The following TMEM135 variants were observed in gnomAD, a reference collection of about 807,000 sequenced individuals.
The protein encoded by TMEM135 is transmembrane protein 135.
Under a neutral mutation model 60.3 loss-of-function variants are expected in TMEM135, and 30 were observed. That is an observed-to-expected ratio of 0.50 (90% CI 0.37 to 0.68). TMEM135 has a LOEUF of 0.68. Ranked by LOEUF, TMEM135 falls within the 30% of genes least tolerant of loss-of-function variation. TMEM135 has a pLI of 0.00. For synonymous variants in TMEM135, 190 were observed against 186.7 expected, an observed-to-expected ratio of 1.02 and a Z score of -0.14; for missense variants, 468 against 548.8, an observed-to-expected ratio of 0.85 and a Z score of 1.47.
At chr11:87,076,977 C>G (rs1856886327) in intron 3 of TMEM135, among the ~76,000 whole-genome samples, 1 of 152,162 alleles carries the variant, frequency 6.6e-6, no homozygotes, top group Admixed American at 6.5e-5. Flanking sequence ...ACACTATAGA[C>G]TTCATTCAGT....
chr11:87,074,099 G>T (rs981191864), intron 3 of TMEM135, among the ~76,000 whole-genome samples: 3 of 152,162 alleles, frequency 2.0e-5, no homozygotes, highest in Admixed American at 6.6e-5. Flanking sequence ...CCAAGTAGCT[G>T]GGACCACAGG....
chr11:87,049,420 C>A (rs1054352858), intron 1 of TMEM135, among the ~76,000 whole-genome samples: 1 of 87,694 alleles, frequency 1.1e-5, no homozygotes, highest in Non-Finnish European at 2.1e-5. Flanking sequence ...TCAGGAAACC[C>A]ATCTCACATG....
At chr11:87,168,308 G>T (rs907182401) in intron 5 of TMEM135, among the ~76,000 whole-genome samples, 3 of 151,998 alleles carry the variant, frequency 2.0e-5, no homozygotes, top group Non-Finnish European at 4.4e-5. Flanking sequence ...ATCTCCTTCA[G>T]TTCTGCTCTG....
chr11:87,109,991 T>A (rs1857702252), intron 4 of TMEM135, among the ~76,000 whole-genome samples: 1 of 152,182 alleles, frequency 6.6e-6, no homozygotes, highest in African/African-American at 2.4e-5. Flanking sequence ...ACAGAATGAC[T>A]TCCTCTGGGT....
intron 1 of TMEM135, among the ~76,000 whole-genome samples, chr11:87,043,155 A>C (rs751903848): frequency 2.6e-5 from 4 of 151,330 alleles, no homozygotes; most frequent in Non-Finnish European, 4.4e-5. Context: ...GGGTTTCTGC[A>C]TGTTGGTCAG....
intron 6 of TMEM135, among the ~76,000 whole-genome samples, chr11:87,262,173 A>G (rs752853614): frequency 6.6e-6 from 1 of 151,976 alleles, no homozygotes; most frequent in Non-Finnish European, 1.5e-5. Flanking sequence ...AACCATGAAC[A>G]TTGTTTTTAA....
intron 5 of TMEM135, among the ~76,000 whole-genome samples, chr11:87,217,409 T>C (rs573478699): frequency 6.6e-6 from 1 of 152,270 alleles, no homozygotes; most frequent in Admixed American, 6.5e-5. Flanking sequence ...ATCTAGGAAT[T>C]ATGAATATAA....
intron 5 of TMEM135, among the ~76,000 whole-genome samples, chr11:87,202,072 C>G (rs908191032): frequency 6.6e-6 from 1 of 152,040 alleles, no homozygotes; most frequent in African/African-American, 2.4e-5. Flanking sequence ...GTTGCCCAAA[C>G]TGGAGTGCAA....
At chr11:87,046,722 G>A (rs1165075084) in intron 1 of TMEM135, among the ~76,000 whole-genome samples, 2 of 152,332 alleles carry the variant, frequency 1.3e-5, no homozygotes, top group East Asian at 3.9e-4. Flanking sequence ...GTCGACGAGG[G>A]AGAGAGTTTA....
At chr11:87,236,814 C>T (rs536333998) in intron 6 of TMEM135, 130 bp downstream of exon 6, 32 of 831,052 alleles carry the variant, frequency 3.9e-5, no homozygotes, top group African/African-American at 3.7e-4. Context: ...CGCACCCCCG[C>T]CCAGAGTGGA....
intron 10 of TMEM135, among the ~76,000 whole-genome samples, chr11:87,311,122 TAC>T (rs1277683098): frequency 6.2e-5 from 9 of 144,784 alleles, no homozygotes; most frequent in East Asian, 4.0e-4. Flanking sequence ...TATATATATA[TAC>T]GTACACATAT....
chr11:87,096,022 T>C (rs1857319656), intron 4 of TMEM135: 1 of 217,060 alleles, frequency 4.6e-6, no homozygotes, highest in Non-Finnish European at 9.8e-6. Flanking sequence ...TGGGATACTT[T>C]CTTGTGTCTG....
chr11:87,259,223 T>G, intron 6 of TMEM135: 5 of 477,022 alleles, frequency 1.0e-5, no homozygotes, highest in African/African-American at 2.0e-5. Context: ...TTGGGAGCAA[T>G]TCCTCCGGGG....
intron 4 of TMEM135, chr11:87,095,635 C>G (rs1427184334): frequency 4.9e-6 from 1 of 204,508 alleles, no homozygotes; most frequent in Non-Finnish European, 1.0e-5. Context: ...CAACTTTGTA[C>G]TGACCATTTT....
Position 87,246,705 on chromosome 11 carries a change from G to A in TMEM135, c.509+10021G>A, listed in dbSNP as rs1188892402. 1.6e-4 allele frequency among the ~76,000 whole-genome samples: 22 copies of A among 141,352 alleles called. No individual in the cohort carries two copies. In the Admixed American group the frequency reaches 1.6e-3, roughly 10 times the overall value. The allele number at this position is 141,352 out of a possible 152,430, so 92.7% of individuals were successfully genotyped here. A position where few individuals can be genotyped will look rare whatever the true frequency, so the allele number is the denominator to read the frequency against. ...CGAGCCTTGGCTTTCAGCTCCATCA[G>A]CTCCTTTAAGCACTTCTCTGTATTG... On this transcript the variant is annotated intron_variant, in intron 6 of 14. Transcript: ENST00000305494.
intron 4 of TMEM135, among the ~76,000 whole-genome samples, chr11:87,114,232 C>T (rs934484096): frequency 1.3e-5 from 2 of 151,966 alleles, no homozygotes; most frequent in African/African-American, 4.8e-5. Context: ...ACAGTGAAAC[C>T]AACTCAAGAA....
intron 5 of TMEM135, among the ~76,000 whole-genome samples, chr11:87,186,609 G>A (rs1288599122): frequency 6.6e-6 from 1 of 151,976 alleles, no homozygotes; most frequent in African/African-American, 2.4e-5. Flanking sequence ...TGTTAATAAA[G>A]TTTATCTTTA....
chr11:87,319,451 T>C, intron 14 of TMEM135, 74 bp downstream of exon 14: 3 of 1,070,112 alleles, frequency 2.8e-6, no homozygotes, highest in Non-Finnish European at 4.3e-6. Flanking sequence ...CTTTCAGTGG[T>C]AAAGTAGGTA....
Position 87,256,398 on chromosome 11 carries a change from G to A in TMEM135, c.509+19714G>A, listed in dbSNP as rs1047568698. ...TAAATTCAGAAGTTGGAAGCGGTTCGCTATGAAAAGATGAAAAAATGCAGA... is the reference window on the plus strand; with the variant it reads ...TAAATTCAGAAGTTGGAAGCGGTTCACTATGAAAAGATGAAAAAATGCAGA... On this transcript the variant is annotated intron_variant, in intron 6 of 14. Transcript: ENST00000305494. Among the ~76,000 whole-genome samples the A allele has an allele frequency of 6.6e-5, 10 of 152,080 alleles. No homozygotes were observed. In the East Asian group the frequency reaches 1.7e-3, roughly 26 times the overall value.
Sources: gnomAD v4.1 joint callset for allele counts (sites outside exome capture counted in the v4.1 genomes callset) on GRCh38, gnomAD v4.1.1 for gene constraint, MANE v1.5 for transcripts, NCBI Gene and HGNC (gene_info 2026-07-23, HGNC 2026-07-21) for gene names.